The following DAB1 variants were observed in gnomAD, a reference collection of about 807,000 sequenced individuals.
DAB1 encodes the protein disabled homolog 1.
DAB1 carries 15 observed loss-of-function variants against 64.6 expected under a neutral mutation model. The observed-to-expected ratio is 0.23, with a 90% CI of 0.16 to 0.36. The LOEUF is 0.36. DAB1 is among the 10% of genes least tolerant of loss of function. The pLI is 1.00. For synonymous variants in DAB1, 235 were observed against 251.9 expected, an observed-to-expected ratio of 0.93 and a Z score of 0.64; for missense variants, 596 against 706.7, an observed-to-expected ratio of 0.84 and a Z score of 1.78.
At chr1:57,207,557 C>A (rs1048360158) in intron 2 of DAB1, among the ~76,000 whole-genome samples, 1 of 144,424 alleles carries the variant, frequency 6.9e-6, no homozygotes, top group African/African-American at 2.6e-5. Flanking sequence ...CATTCTCCTG[C>A]CTCAGCCTCC....
intron 2 of DAB1, among the ~76,000 whole-genome samples, chr1:57,155,832 T>C (rs1287167930): frequency 2.6e-5 from 4 of 152,038 alleles, no homozygotes; most frequent in South Asian, 2.1e-4. Flanking sequence ...TTGTTCACTA[T>C]TAGCATATAG....
chr1:57,817,464 C>A (rs1296079722), intron 6 of DAB1, among the ~76,000 whole-genome samples: 1 of 152,206 alleles, frequency 6.6e-6, no homozygotes, highest in African/African-American at 2.4e-5. Flanking sequence ...ATCCCCATCC[C>A]CCTGCAGCTC....
upstream of DAB1, among the ~76,000 whole-genome samples, chr1:57,886,103 C>T (rs1644216868): frequency 6.6e-6 from 1 of 152,034 alleles, no homozygotes; most frequent in African/African-American, 2.4e-5. Context: ...ATTAAGGAGT[C>T]CAGGTCTACA....
At chr1:58,175,998 G>C (rs1295632509) in intron 4 of DAB1, among the ~76,000 whole-genome samples, 2 of 152,168 alleles carry the variant, frequency 1.3e-5, no homozygotes, top group Admixed American at 1.3e-4. Flanking sequence ...TAATAGCACT[G>C]GGCTCACACT....
At chr1:57,829,969 CAG>C (rs1652516725) in intron 1 of DAB1, among the ~76,000 whole-genome samples, 1 of 152,196 alleles carries the variant, frequency 6.6e-6, no homozygotes, top group African/African-American at 2.4e-5. Flanking sequence ...GACTAGCGTA[CAG>C]AGAGACTGGT....
chr1:57,750,070 T>C (rs1648484050), intron 6 of DAB1, among the ~76,000 whole-genome samples: 1 of 152,202 alleles, frequency 6.6e-6, no homozygotes, highest in Non-Finnish European at 1.5e-5. Context: ...GAGCAAGCCC[T>C]GTGCTGCCTA....
chr1:57,154,701 A>G (rs930030454), intron 2 of DAB1, among the ~76,000 whole-genome samples: 5 of 152,192 alleles, frequency 3.3e-5, no homozygotes, highest in African/African-American at 1.2e-4. Flanking sequence ...CTTTGTCAGC[A>G]TTTGTTATTA....
intron 4 of DAB1, among the ~76,000 whole-genome samples, chr1:57,082,722 C>T (rs1433404432): frequency 6.6e-6 from 1 of 152,072 alleles, no homozygotes; most frequent in Non-Finnish European, 1.5e-5. Flanking sequence ...TGTTCCCCTC[C>T]CTGTGTCCAT....
intron 5 of DAB1, among the ~76,000 whole-genome samples, chr1:58,087,791 G>A (rs180828135): frequency 1.3e-5 from 2 of 152,324 alleles, no homozygotes; most frequent in African/African-American, 2.4e-5. Context: ...CAAGGCCTAC[G>A]TAACGACATC....
intron 7 of DAB1, among the ~76,000 whole-genome samples, chr1:57,569,518 G>A (rs186676759): frequency 6.7e-6 from 1 of 149,654 alleles, no homozygotes; most frequent in Non-Finnish European, 1.5e-5. Flanking sequence ...AACACCGCAT[G>A]TTCTCACTTA....
intron 5 of DAB1, among the ~76,000 whole-genome samples, chr1:57,910,437 C>T (rs1055395146): frequency 2.0e-5 from 3 of 152,204 alleles, no homozygotes; most frequent in Non-Finnish European, 4.4e-5. Context: ...TGGGAACAGC[C>T]GTTCCACAGC....
At chr1:57,398,451 G>A (rs1287430273) in intron 1 of DAB1, among the ~76,000 whole-genome samples, 1 of 152,032 alleles carries the variant, frequency 6.6e-6, no homozygotes, top group Non-Finnish European at 1.5e-5. Context: ...GCAGGAAAGG[G>A]GTCTTTTTAA....
At chr1:57,020,316 G>T (rs1490744127) in intron 11 of DAB1, among the ~76,000 whole-genome samples, 1 of 152,188 alleles carries the variant, frequency 6.6e-6, no homozygotes, top group Non-Finnish European at 1.5e-5. Context: ...TCTGTTGAGT[G>T]CTTACTGATG....
intron 4 of DAB1, among the ~76,000 whole-genome samples, chr1:58,206,441 T>C (rs1055999608): frequency 6.6e-6 from 1 of 152,208 alleles, no homozygotes; most frequent in Admixed American, 6.5e-5. Flanking sequence ...GGGAGGCAGG[T>C]TTGCCCTAAG....
intron 5 of DAB1, among the ~76,000 whole-genome samples, chr1:58,117,262 C>G (rs1320774547): frequency 2.6e-5 from 4 of 152,162 alleles, no homozygotes; most frequent in African/African-American, 9.7e-5. Context: ...CTTATGCATG[C>G]CCAGTACTTT....
chr1:57,952,835 C>T (rs1170186051), intron 5 of DAB1, among the ~76,000 whole-genome samples: 1 of 152,162 alleles, frequency 6.6e-6, no homozygotes, highest in Non-Finnish European at 1.5e-5. Flanking sequence ...GGTTCTGTTT[C>T]TGTTAATTGA....
intron 7 of DAB1, among the ~76,000 whole-genome samples, chr1:57,542,653 A>G (rs571966126): frequency 6.6e-6 from 1 of 152,072 alleles, no homozygotes; most frequent in East Asian, 1.9e-4. Context: ...GCAGTTCCTT[A>G]AGCAAGGCAA....
chr1:58,342,764 C>A (rs951787461), intron 4 of DAB1, among the ~76,000 whole-genome samples: 1 of 152,126 alleles, frequency 6.6e-6, no homozygotes, highest in Non-Finnish European at 1.5e-5. Flanking sequence ...ATTGATTTCA[C>A]CTCCTTTTTA....
chr1:57,464,507 T>C (rs929777117), intron 7 of DAB1, among the ~76,000 whole-genome samples: 2 of 152,200 alleles, frequency 1.3e-5, no homozygotes, highest in African/African-American at 4.8e-5. Context: ...CTTCCTCTCC[T>C]ACACCAGGCA....
Sources: allele counts gnomAD v4.1 joint callset (sites outside exome capture counted in the v4.1 genomes callset), GRCh38; gene constraint gnomAD v4.1.1; transcripts MANE v1.5; gene names NCBI Gene and HGNC (gene_info 2026-07-23, HGNC 2026-07-21).